The following KLF8 variants were observed in gnomAD, a reference collection of about 807,000 sequenced individuals.
KLF8 encodes KLF transcription factor 8.
A neutral mutation model predicts 18.2 loss-of-function variants in KLF8; 10 were observed. That is an observed-to-expected ratio of 0.55 (90% confidence interval 0.34 to 0.93). The LOEUF is 0.93. KLF8 is among the 40% of genes least tolerant of loss of function. The pLI is 0.02. For synonymous variants in KLF8, 109 were observed against 97.3 expected, an observed-to-expected ratio of 1.12 and a Z score of -0.71; for missense variants, 264 against 277.9, an observed-to-expected ratio of 0.95 and a Z score of 0.36.
chrX:56,150,235 T>G, the KLF8 span, among the ~76,000 whole-genome samples: 1 of 111,779 alleles, frequency 8.9e-6, no homozygotes, highest in Non-Finnish European at 1.9e-5. Context: ...GAGCCTTTAG[T>G]GAAGGTTCCT....
chrX:55,945,489 C>T, the KLF8 span, among the ~76,000 whole-genome samples: 1 of 109,674 alleles, frequency 9.1e-6, no homozygotes, highest in East Asian at 2.9e-4. Flanking sequence ...GGTCGTATCT[C>T]AAAATAATAA....
chrX:56,272,518 G>C (rs2067070706), intron 5 of KLF8, among the ~76,000 whole-genome samples: 2 of 111,367 alleles, frequency 1.8e-5, no homozygotes, highest in Non-Finnish European at 3.8e-5. Flanking sequence ...ACCTCACTTT[G>C]TTTAGATTCG....
the KLF8 span, among the ~76,000 whole-genome samples, chrX:56,065,150 A>T: frequency 8.9e-6 from 1 of 112,069 alleles, no homozygotes; most frequent in East Asian, 2.8e-4. Context: ...TAGGAAGTTT[A>T]CAGCTATTAT....
chrX:56,068,549 A>T, the KLF8 span, among the ~76,000 whole-genome samples: 19 of 111,498 alleles, frequency 1.7e-4, no homozygotes, highest in East Asian at 3.1e-3. Flanking sequence ...TTTGGAGTGT[A>T]TGATTCCACC....
At chrX:55,987,910 G>A in the KLF8 span, among the ~76,000 whole-genome samples, 1 of 111,918 alleles carries the variant, frequency 8.9e-6, no homozygotes, top group Non-Finnish European at 1.9e-5. Flanking sequence ...GTGTGAGATG[G>A]TATCCCATTG....
chrX:56,088,223 A>G, the KLF8 span, among the ~76,000 whole-genome samples: 1 of 111,885 alleles, frequency 8.9e-6, no homozygotes, highest in African/African-American at 3.2e-5. Context: ...TAGAAAAAAT[A>G]AAAACCCACC....
chrX:56,165,013 T>A, the KLF8 span, among the ~76,000 whole-genome samples: 4 of 94,992 alleles, frequency 4.2e-5, no homozygotes, highest in Non-Finnish European at 8.4e-5. Flanking sequence ...TTTGGTTTTT[T>A]GTTCTTGCGA....
chrX:56,180,765 T>C, the KLF8 span, among the ~76,000 whole-genome samples: 8 of 112,017 alleles, frequency 7.1e-5, no homozygotes, highest in South Asian at 1.1e-3. Flanking sequence ...CATATAGTTG[T>C]GCAGTTTCAA....
chrX:56,282,175 T>C (rs754896758), intron 5 of KLF8, among the ~76,000 whole-genome samples: 1 of 112,619 alleles, frequency 8.9e-6, no homozygotes, highest in South Asian at 3.7e-4. Flanking sequence ...AATCCTATTC[T>C]TCTTCCCTCT....
At chrX:56,076,475 AT>A in the KLF8 span, among the ~76,000 whole-genome samples, 1 of 110,956 alleles carries the variant, frequency 9.0e-6, no homozygotes, top group African/African-American at 3.3e-5. Flanking sequence ...TGAACTCATC[AT>A]TTTTTATGAC....
chrX:56,133,898 A>AACCCCTTTTACAAGAT, the KLF8 span, among the ~76,000 whole-genome samples: 1 of 104,221 alleles, frequency 9.6e-6, no homozygotes, highest in Non-Finnish European at 1.9e-5. Context: ...TAAATCAAGA[A>AACCCCTTTTACAAGAT]CTGAACCCCT....
chrX:56,166,942 GC>G, the KLF8 span, among the ~76,000 whole-genome samples: 15 of 111,053 alleles, frequency 1.4e-4, no homozygotes, highest in Non-Finnish European at 2.5e-4. Flanking sequence ...TTTCCTGCTT[GC>G]AATCAAGTGT....
At chrX:56,035,587 G>C in the KLF8 span, among the ~76,000 whole-genome samples, 1 of 112,224 alleles carries the variant, frequency 8.9e-6, no homozygotes, top group Non-Finnish European at 1.9e-5. Context: ...TACCAAGATT[G>C]TATAAGAGTT....
At chrX:56,022,600 C>A in the KLF8 span, among the ~76,000 whole-genome samples, 1 of 104,240 alleles carries the variant, frequency 9.6e-6, no homozygotes, top group African/African-American at 3.7e-5. Flanking sequence ...ATCTGAAGCT[C>A]AGTAGGAGCA....
chrX:56,189,441 C>A, the KLF8 span, among the ~76,000 whole-genome samples: 3 of 111,342 alleles, frequency 2.7e-5, no homozygotes, highest in African/African-American at 6.5e-5. Flanking sequence ...ACTAGTTCAA[C>A]CCTTGTGGAA....
the KLF8 span, among the ~76,000 whole-genome samples, chrX:56,189,832 G>A: frequency 4.8e-5 from 4 of 83,584 alleles, 1 homozygote; most frequent in Middle Eastern, 0.012. Flanking sequence ...AGATCACATG[G>A]ACACAGGAAG....
At chrX:56,015,448 T>TA in the KLF8 span, among the ~76,000 whole-genome samples, 1 of 112,415 alleles carries the variant, frequency 8.9e-6, no homozygotes, top group African/African-American at 3.2e-5. Flanking sequence ...ATTTCCTTGG[T>TA]AACTAATGAG....
intron 5 of KLF8, among the ~76,000 whole-genome samples, chrX:56,274,563 G>A (rs994101183): frequency 8.9e-6 from 1 of 111,779 alleles, no homozygotes; most frequent in Non-Finnish European, 1.9e-5. Flanking sequence ...TATGCTTGTG[G>A]GGTATTGCTC....
rs1242743441 is a variant in KLF8 at position 56,291,203 on chromosome X, T to G, written c.*6709T>G. On this transcript the variant is annotated 3_prime_UTR_variant, in exon 6 of 6. Coordinates refer to ENST00000468660, the MANE Select transcript of KLF8 (RefSeq NM_007250.5). ...AAATTATAAGACAGTATATTAAGCT[T>G]TAGTCTCTGTAACTCTTATGTTTGT... Among the ~76,000 whole-genome samples the G allele has an allele frequency of 8.9e-6, 1 of 111,999 alleles. No homozygotes were observed. The highest frequency in any genetic ancestry group is 1.9e-5 in the Non-Finnish European group (1 of 53,171).
Sources: allele counts gnomAD v4.1 joint callset (sites outside exome capture counted in the v4.1 genomes callset), GRCh38; gene constraint gnomAD v4.1.1; transcripts MANE v1.5; gene names NCBI Gene and HGNC (gene_info 2026-07-23, HGNC 2026-07-21).